DAB2IP: variants seen among roughly 807,000 people sequenced by gnomAD.
DAB2IP encodes the protein DAB2 interacting protein.
A neutral mutation model predicts 107.2 loss-of-function variants in DAB2IP; 28 were observed. The ratio of observed to expected loss-of-function variants is 0.26; its 90% CI spans 0.19 to 0.36. The LOEUF is 0.36. DAB2IP is among the 10% of genes least tolerant of loss of function. The pLI is 1.00. For synonymous variants in DAB2IP, 755 were observed against 706.4 expected (o/e 1.07, Z -1.09); for missense variants, 1,400 against 1,644.7 (o/e 0.85, Z 2.57).
At chr9:121,663,192 G>A (rs1362686272) in intron 1 of DAB2IP, among the ~76,000 whole-genome samples, 3 of 152,108 alleles carry the variant, frequency 2.0e-5, no homozygotes, top group African/African-American at 7.2e-5. Flanking sequence ...AGAAGCAAAA[G>A]GAAAACCTGG....
chr9:121,703,623 A>G (rs1829900002), intron 3 of DAB2IP, among the ~76,000 whole-genome samples: 1 of 152,128 alleles, frequency 6.6e-6, no homozygotes, highest in African/African-American at 2.4e-5. Flanking sequence ...TTTTCATAGA[A>G]ATTTTCTGGT....
At chr9:121,631,613 C>T (rs1295237189) in intron 1 of DAB2IP, among the ~76,000 whole-genome samples, 3 of 152,022 alleles carry the variant, frequency 2.0e-5, no homozygotes, top group Non-Finnish European at 2.9e-5. Flanking sequence ...GTCAAGAGAT[C>T]GAGACCATCC....
Position 121,776,103 on chromosome 9 carries a change from T to TG in DAB2IP, c.3121-91dup. 7.0e-7 allele frequency: 1 copy of TG among 1,427,820 alleles called. No homozygotes were observed. Among genetic ancestry groups the TG allele is most frequent in the Non-Finnish European group, 9.4e-7 (1 of 1,060,846 alleles). 88.4% of individuals were successfully genotyped at this position (1,427,820 alleles called of 1,614,324 possible). A position where few individuals can be genotyped will look rare whatever the true frequency, so the allele number is the denominator to read the frequency against. On this transcript the variant is annotated intron_variant, in intron 13 of 15. Transcript: ENST00000408936. The surrounding 1 kb of genome is among the most constrained non-coding windows in gnomAD (Gnocchi z 5.4). The stretch of plus-strand genomic sequence containing the variant: ...GTCACAGCCACTGGGGCCTTTCAAG[T>TG]GGGGCTCCCTCCTACCCTTCCTCCC...
exon 9 of DAB2IP, chr9:121,766,655 A>T: frequency 6.2e-7 from 1 of 1,614,118 alleles, no homozygotes; most frequent in South Asian, 1.1e-5. Flanking sequence ...CTGCTGCAGG[A>T]GTACCCTGAT....
chr9:121,605,804 C>T (rs1025668084), intron 1 of DAB2IP, among the ~76,000 whole-genome samples: 1 of 152,192 alleles, frequency 6.6e-6, no homozygotes, highest in African/African-American at 2.4e-5. Flanking sequence ...CCGCACCTGG[C>T]TTCTTTAGCA....
In DAB2IP at chr9:121,783,472, A is replaced by G. The variant is rs61356848; in HGVS notation, c.*974A>G. 6.7e-4 allele frequency: 1,083 copies of G among 1,613,808 alleles called. 10 individuals carry two copies. In the African/African-American group the frequency reaches 0.012, roughly 18 times the overall value. On this transcript the variant is annotated 3_prime_UTR_variant, in exon 16 of 16. Transcript: ENST00000408936. Reference sequence around the variant, plus strand: ...TCCTTCCTCTGAGTGATGGTTTAAAAAAAGATTCTAACGCCTGCAGGCCCT... The same window carrying G: ...TCCTTCCTCTGAGTGATGGTTTAAAGAAAGATTCTAACGCCTGCAGGCCCT...
chr9:121,629,392 A>G (rs1038985918), intron 1 of DAB2IP, among the ~76,000 whole-genome samples: 1 of 152,070 alleles, frequency 6.6e-6, no homozygotes, highest in Non-Finnish European at 1.5e-5. Context: ...ACCATAGATG[A>G]TGTCCCCAAG....
chr9:121,689,292 TA>T (rs148765739), intron 2 of DAB2IP, among the ~76,000 whole-genome samples: 1,931 of 124,422 alleles, frequency 0.016, 28 homozygotes, highest in African/African-American at 0.038. Context: ...AAATTCCATC[TA>T]AAAAAAAAAA....
chr9:121,615,730 G>C (rs1831249377), intron 1 of DAB2IP, among the ~76,000 whole-genome samples: 1 of 151,708 alleles, frequency 6.6e-6, no homozygotes, highest in Non-Finnish European at 1.5e-5. Context: ...TGGTTCAAGC[G>C]ATTCTCCTGC....
upstream of DAB2IP, among the ~76,000 whole-genome samples, chr9:121,649,947 G>A (rs1209669048): frequency 6.6e-6 from 1 of 152,248 alleles, no homozygotes; most frequent in African/African-American, 2.4e-5. Context: ...GGCTTTGAAT[G>A]CTGCCCAACA....
intron 9 of DAB2IP, 133 bp downstream of exon 9, chr9:121,766,863 T>A: frequency 1.2e-6 from 1 of 815,338 alleles, no homozygotes; most frequent in Non-Finnish European, 2.0e-6. Context: ...TCATCCTCAG[T>A]CCTTCTCCTT....
At chr9:121,703,853 G>A (rs1284115534) in intron 3 of DAB2IP, among the ~76,000 whole-genome samples, 1 of 152,178 alleles carries the variant, frequency 6.6e-6, no homozygotes, top group African/African-American at 2.4e-5. Flanking sequence ...AGGTTCAAGA[G>A]ATAATAGATG....
intron 1 of DAB2IP, among the ~76,000 whole-genome samples, chr9:121,601,282 G>A (rs968758794): frequency 6.6e-6 from 1 of 152,170 alleles, no homozygotes; most frequent in African/African-American, 2.4e-5. Flanking sequence ...TCACCTTCAA[G>A]ATCACCTGGC....
chr9:121,637,256 G>A (rs1189134555), intron 1 of DAB2IP, among the ~76,000 whole-genome samples: 1 of 152,230 alleles, frequency 6.6e-6, no homozygotes, highest in Non-Finnish European at 1.5e-5. Flanking sequence ...GACAATTCAA[G>A]TCAAGCACTG....
chr9:121,607,188 T>C (rs544936432), intron 1 of DAB2IP, among the ~76,000 whole-genome samples: 1 of 152,284 alleles, frequency 6.6e-6, no homozygotes, highest in East Asian at 1.9e-4. Context: ...CAGTGGCTGA[T>C]ACCTAGTAAA....
At chr9:121,605,315 G>A (rs192314488) in intron 1 of DAB2IP, among the ~76,000 whole-genome samples, 10 of 152,146 alleles carry the variant, frequency 6.6e-5, no homozygotes, top group Admixed American at 1.3e-4. Flanking sequence ...CACCATGCCC[G>A]GTCCCATCAT....
At chr9:121,770,816 A>G in intron 11 of DAB2IP, 92 bp downstream of exon 11, 1 of 1,490,892 alleles carries the variant, frequency 6.7e-7, no homozygotes. Flanking sequence ...GAGGATGCCT[A>G]CATAGTGTTT....
At chr9:121,643,442 CT>C (rs1832430424) in intron 1 of DAB2IP, among the ~76,000 whole-genome samples, 1 of 152,002 alleles carries the variant, frequency 6.6e-6, no homozygotes, top group Non-Finnish European at 1.5e-5. Flanking sequence ...CTCACCCCAA[CT>C]TGGTTCTATC....
At chr9:121,679,235 T>G (rs1033810804) in intron 2 of DAB2IP, among the ~76,000 whole-genome samples, 28 of 152,168 alleles carry the variant, frequency 1.8e-4, no homozygotes, top group African/African-American at 6.8e-4. Flanking sequence ...TGCTATATAT[T>G]ATAACTGATG....
Sources: allele counts gnomAD v4.1 joint callset (sites outside exome capture counted in the v4.1 genomes callset), GRCh38; gene constraint gnomAD v4.1.1; non-coding constraint Gnocchi (gnomAD v3.1); transcripts MANE v1.5; gene names NCBI Gene and HGNC (gene_info 2026-07-23, HGNC 2026-07-21).